CNOT1: variants seen among roughly 807,000 people sequenced by gnomAD.
The protein encoded by CNOT1 is CCR4-NOT transcription complex subunit 1, also known as CCR4-associated factor 1.
A neutral mutation model predicts 273.8 loss-of-function variants in CNOT1; 15 were observed. The observed-to-expected ratio is 0.05, with a 90% CI of 0.04 to 0.08. CNOT1 has a LOEUF of 0.08. Ranked by LOEUF, CNOT1 falls within the 10% of genes least tolerant of loss-of-function variation. CNOT1 has a pLI of 1.00. For missense variants in CNOT1, 1,644 were observed against 2,912.2 expected (o/e 0.56, Z 10.02); for synonymous variants, 1,022 against 1,005.5 (o/e 1.02, Z -0.31).
chr16:58,586,088 G>A (rs1349827627), intron 7 of CNOT1, among the ~76,000 whole-genome samples: 1 of 149,526 alleles, frequency 6.7e-6, no homozygotes, highest in African/African-American at 2.5e-5. Context: ...AGGAGGTGAA[G>A]TGAGCACATC....
At chr16:58,551,399 C>T in intron 23 of CNOT1, 127 bp from the exon 24 acceptor site, 1 of 1,217,636 alleles carries the variant, frequency 8.2e-7, no homozygotes, top group South Asian at 1.5e-5. Flanking sequence ...GAAATGTAGG[C>T]AAGAATAGTG....
At chr16:58,566,189 G>A (rs759705267) in intron 16 of CNOT1, among the ~76,000 whole-genome samples, 4 of 152,142 alleles carry the variant, frequency 2.6e-5, no homozygotes, top group Non-Finnish European at 5.9e-5. Context: ...GTAATTTGTG[G>A]AGAGATATTT....
At chr16:58,576,980 T>C (rs1019222253) in intron 13 of CNOT1, among the ~76,000 whole-genome samples, 1 of 152,276 alleles carries the variant, frequency 6.6e-6, no homozygotes, top group Non-Finnish European at 1.5e-5. Context: ...CTATTTCTGA[T>C]GTTGCACAGT....
rs912263501 is a variant in CNOT1 at position 58,548,329 on chromosome 16, G to C, written c.3523-647C>G. Among the ~76,000 whole-genome samples the C allele has an allele frequency of 3.9e-5, 6 of 152,216 alleles. No homozygotes were observed. The South Asian group carries it at 1.2e-3, about 32-fold the overall frequency. On this transcript the variant is annotated intron_variant, in intron 25 of 48. Transcript: ENST00000317147. ...ACTAACATAGGAGAGTGTTTTGGCT[G>C]CAGGTATGCACACATGTATATACCC...
chr16:58,526,089 A>C lies in CNOT1; in HGVS notation c.6503T>G (p.Phe2168Cys). 6.2e-7 allele frequency: 1 copy of C among 1,614,096 alleles called. No homozygotes were observed. The highest frequency in any genetic ancestry group is 8.5e-7 in the Non-Finnish European group (1 of 1,179,978). Residue 2168 changes from phenylalanine to cysteine, a missense_variant, in exon 45 of 49, where the codon TTC becomes TGC. Phe to Cys is a radical substitution (Grantham distance 205). Transcript: ENST00000317147. ...INIAPRILTN[F>C]TGVMPPQFKK... ...GAACTGAGGTGGCATTACTCCAGTG[A>C]AATTGGTGAGAATCCGGGGAGCAAT...
chr16:58,621,529 T>A lies in CNOT1; in HGVS notation c.-175+8199A>T, dbSNP rs564434102. Reference sequence around the variant, plus strand: ...CTCAGGTGATCCGCCCGCCTCGGCCTCCCAAAGTGCTAGGATTACAGGCAT... The same window carrying A: ...CTCAGGTGATCCGCCCGCCTCGGCCACCCAAAGTGCTAGGATTACAGGCAT... On this transcript the variant is annotated intron_variant, in intron 1 of 48. Coordinates refer to ENST00000317147, the MANE Select transcript of CNOT1 (RefSeq NM_016284.5). Among the ~76,000 whole-genome samples the A allele has an allele frequency of 3.8e-4, 57 of 150,540 alleles. 1 individual carries two copies. Among genetic ancestry groups the A allele is most frequent in the South Asian group, 1.5e-3 (7 of 4,592 alleles).
intron 46 of CNOT1, 59 bp from the exon 47 acceptor site, chr16:58,523,561 G>A (rs2039481581): frequency 1.2e-5 from 18 of 1,542,936 alleles, no homozygotes; most frequent in Middle Eastern, 1.7e-4. Flanking sequence ...TGGGAAGACA[G>A]TTCTAACTGG....
chr16:58,594,972 G>A (rs1255719629), intron 2 of CNOT1, among the ~76,000 whole-genome samples: 2 of 151,538 alleles, frequency 1.3e-5, no homozygotes, highest in East Asian at 1.9e-4. Flanking sequence ...AAAATTACCC[G>A]GGCATGGTGG....
intron 1 of CNOT1, among the ~76,000 whole-genome samples, chr16:58,613,063 G>A (rs1239238438): frequency 6.6e-6 from 1 of 151,892 alleles, no homozygotes; most frequent in Non-Finnish European, 1.5e-5. Context: ...TTTCAGACTC[G>A]CTCTGTCACC....
At chr16:58,625,159 G>A (rs905535544) in intron 1 of CNOT1, among the ~76,000 whole-genome samples, 1 of 152,104 alleles carries the variant, frequency 6.6e-6, no homozygotes. Context: ...GCTGAGGCAG[G>A]TAGATCACTT....
At chr16:58,621,939 A>C (rs950505730) in intron 1 of CNOT1, among the ~76,000 whole-genome samples, 1 of 145,532 alleles carries the variant, frequency 6.9e-6, no homozygotes, top group African/African-American at 2.5e-5. Context: ...AAAAAAGAAG[A>C]TACACCACCA....
rs1413237386 is a variant in CNOT1 at position 58,546,439 on chromosome 16, C to G, written c.3888G>C (p.Glu1296Asp). The change falls in exon 29 of 49, where the codon GAG becomes GAC. Residue 1296 changes from glutamate to aspartate, a missense_variant. Transcript: ENST00000317147. ...CCTTTAGGAGGTTTCCAGGTTTTAGCTCATTGATGTCTAATGCAAGGTTCT... is the reference window on the plus strand; with the variant it reads ...CCTTTAGGAGGTTTCCAGGTTTTAGGTCATTGATGTCTAATGCAAGGTTCT... ...LCKNLALDIN[E>D]LKPGNLLKDK... 2 of 1,613,926 alleles carry G rather than the reference C, an allele frequency of 1.2e-6. No homozygotes were observed. Among genetic ancestry groups the G allele is most frequent in the Non-Finnish European group, 1.7e-6 (2 of 1,179,950 alleles).
intron 21 of CNOT1, among the ~76,000 whole-genome samples, chr16:58,554,514 T>C (rs528098171): frequency 1.3e-5 from 2 of 152,338 alleles, no homozygotes; most frequent in East Asian, 3.9e-4. Context: ...CACAACTGTA[T>C]AAATTTGTCA....
At position 58,587,236 on chromosome 16, in the gene CNOT1, A is replaced by T. The variant is rs1352796113; in HGVS notation, c.398T>A (p.Leu133Gln). The T allele has an allele frequency of 6.2e-7, 1 of 1,613,640 alleles. No homozygotes were observed. The highest frequency in any genetic ancestry group is 8.5e-7 in the Non-Finnish European group (1 of 1,179,926). ...AAGATCTGAGCTGGAAGAATTCAAC[A>T]GGGCAAGGCCAAAAATTACCTGAAA... Reference protein sequence around the residue: ...KVQEVIFGLALLNSSSSDLRG... With the variant: ...KVQEVIFGLAQLNSSSSDLRG... The change falls in exon 6 of 49, where the codon CTG (leucine) becomes CAG (glutamine). Residue 133 changes from leucine to glutamine, a missense_variant. This residue lies in a region of CNOT1 where 706 missense variants were observed against 1,021.2 expected (regional missense o/e 0.69). Transcript: ENST00000317147.
Position 58,547,535 on chromosome 16 carries a change from C to T in CNOT1, c.3639+31G>A. On this transcript the variant is annotated intron_variant, in intron 26 of 48. Transcript: ENST00000317147. The surrounding 1 kb of genome is among the most constrained non-coding windows in gnomAD (Gnocchi z 4.0). Reference sequence around the variant, plus strand: ...TTGTAATCATAATGTGCTGAAGATTCTCAATTTTTACACATTTAGATGAAA... The same window carrying T: ...TTGTAATCATAATGTGCTGAAGATTTTCAATTTTTACACATTTAGATGAAA... The T allele has an allele frequency of 6.3e-7, 1 of 1,588,006 alleles. No individual in the cohort carries two copies. Among genetic ancestry groups the T allele is most frequent in the Non-Finnish European group, 8.6e-7 (1 of 1,165,370 alleles).
chr16:58,568,482 G>A (rs1200935757), intron 16 of CNOT1, among the ~76,000 whole-genome samples: 12 of 152,044 alleles, frequency 7.9e-5, no homozygotes, highest in Admixed American at 3.3e-4. Context: ...TCAAGAGATC[G>A]AGACCATCCT....
intron 2 of CNOT1, 107 bp from the exon 3 acceptor site, chr16:58,589,013 T>C (rs2041964965): frequency 1.5e-6 from 2 of 1,305,422 alleles, no homozygotes; most frequent in African/African-American, 1.5e-5. Context: ...CCAATTTACA[T>C]TAGTTACTCA....
chr16:58,626,113 T>C (rs906739030), intron 1 of CNOT1, among the ~76,000 whole-genome samples: 5 of 152,086 alleles, frequency 3.3e-5, no homozygotes, highest in African/African-American at 1.2e-4. Context: ...TATAAAAGTA[T>C]ATACCAAGTT....
At chr16:58,600,261 T>C (rs1311360951) in intron 1 of CNOT1, among the ~76,000 whole-genome samples, 2 of 149,990 alleles carry the variant, frequency 1.3e-5, no homozygotes, top group African/African-American at 4.9e-5. Flanking sequence ...GGCAGGGGAA[T>C]TGCTTGAACC....
Sources: allele counts gnomAD v4.1 joint callset (sites outside exome capture counted in the v4.1 genomes callset), GRCh38; gene constraint gnomAD v4.1.1; regional missense constraint gnomAD v4.1.1; non-coding constraint Gnocchi (gnomAD v3.1); transcripts MANE v1.5; gene names NCBI Gene and HGNC (gene_info 2026-07-23, HGNC 2026-07-21).